IL5RA: variants seen among roughly 807,000 people sequenced by gnomAD.
IL5RA encodes the protein interleukin-5 receptor subunit alpha.
Under a neutral mutation model 50.0 loss-of-function variants are expected in IL5RA, and 49 were observed. The ratio of observed to expected loss-of-function variants is 0.98; its 90% confidence interval spans 0.78 to 1.24. The LOEUF is 1.24. Among genes scored for constraint, IL5RA ranks in the 50% most tolerant of loss-of-function variants. IL5RA has a pLI of 0.00. For synonymous variants in IL5RA, 202 were observed against 174.0 expected (o/e 1.16, Z -1.26); for missense variants, 600 against 500.4 (o/e 1.20, Z -1.90).
chr3:3,106,767 C>G (rs1310504264), intron 2 of IL5RA, among the ~76,000 whole-genome samples: 1 of 152,084 alleles, frequency 6.6e-6, no homozygotes, highest in Non-Finnish European at 1.5e-5. Context: ...GTCAGCATTT[C>G]CTGAAATAAT....
Position 3,102,837 on chromosome 3 carries a change from T to C in IL5RA, c.83-17A>G. The C allele has an allele frequency of 6.3e-7, 1 of 1,589,884 alleles. No homozygotes were observed. The highest frequency in any genetic ancestry group is 8.5e-7 in the Non-Finnish European group (1 of 1,170,832). ...GAAGTGAAACTGTTGATTCAAAGAA[T>C]AAAGAAACAACACAATGTTCAACTG... is the stretch of plus-strand genomic sequence containing the variant. On this transcript the variant is annotated splice_polypyrimidine_tract_variant and intron_variant, in intron 3 of 11. Transcript: ENST00000446632.
intron 5 of IL5RA, among the ~76,000 whole-genome samples, chr3:3,100,715 T>C (rs868483060): frequency 6.6e-6 from 1 of 152,214 alleles, no homozygotes; most frequent in East Asian, 1.9e-4. Context: ...TTGTTCATTA[T>C]AGAAAGGAGG....
chr3:3,076,212 G>A (rs997570540), intron 10 of IL5RA, among the ~76,000 whole-genome samples: 4 of 152,294 alleles, frequency 2.6e-5, no homozygotes, highest in East Asian at 3.9e-4. Context: ...GCCAAGGACC[G>A]AGTGGAAGAC....
chr3:3,073,079 A>T (rs1702355392), intron 11 of IL5RA, among the ~76,000 whole-genome samples: 1 of 152,198 alleles, frequency 6.6e-6, no homozygotes, highest in Non-Finnish European at 1.5e-5. Flanking sequence ...ATAAAGGAGA[A>T]CACAAAGATC....
chr3:3,098,725 A>G (rs1432155128), intron 5 of IL5RA, among the ~76,000 whole-genome samples: 5 of 152,032 alleles, frequency 3.3e-5, no homozygotes, highest in Admixed American at 6.6e-5. Context: ...ATTTCTAGAA[A>G]CCTACTAACT....
rs1166321673 is a variant in IL5RA at position 3,097,959 on chromosome 3, C to A, written c.620G>T (p.Gly207Val). Residue 207 changes from glycine (G) to valine (V), a missense_variant, in exon 7 of 12, where the codon GGG becomes GTG. Physicochemically the swap from Gly to Val is moderately radical, Grantham distance 109. Coordinates refer to ENST00000446632, the MANE Select transcript of IL5RA (RefSeq NM_175726.4). The stretch of plus-strand genomic sequence containing the variant: ...AACAAGCACCGCAAGCCAGTCACGC[C>A]CTTTGCTGAGGATAAAAGTCCTGGG... ...WFPRTFILSK[G>V]RDWLAVLVNG... 2 of 1,614,156 alleles carry A rather than the reference C, an allele frequency of 1.2e-6. No homozygotes were observed. The highest frequency in any genetic ancestry group is 1.6e-4 in the Middle Eastern group (1 of 6,062).
intron 9 of IL5RA, among the ~76,000 whole-genome samples, chr3:3,082,161 G>C (rs947876211): frequency 5.3e-5 from 8 of 152,150 alleles, no homozygotes; most frequent in African/African-American, 1.9e-4. Flanking sequence ...ATCCCACTGA[G>C]AGTATACATT....
intron 11 of IL5RA, among the ~76,000 whole-genome samples, chr3:3,070,765 T>C (rs1187161001): frequency 6.6e-6 from 1 of 151,792 alleles, no homozygotes; most frequent in Non-Finnish European, 1.5e-5. Flanking sequence ...GTATTTTTAG[T>C]AGAAACGGGG....
In IL5RA at chr3:3,072,162, C is replaced by T. The variant is rs1052124700; in HGVS notation, c.1177-1851G>A. 4.6e-5 allele frequency among the ~76,000 whole-genome samples: 7 copies of T among 152,224 alleles called. No individual in the cohort carries two copies. In the East Asian group the frequency reaches 5.8e-4, roughly 13 times the overall value. On this transcript the variant is annotated intron_variant, in intron 11 of 11. Coordinates refer to ENST00000446632, the MANE Select transcript of IL5RA (RefSeq NM_175726.4). ...TGTCCTTGGACGTGGAGGCTGTGCACGGCCTCATGGGGCCCAGCTGTAGGC... is the reference window on the plus strand; with the variant it reads ...TGTCCTTGGACGTGGAGGCTGTGCATGGCCTCATGGGGCCCAGCTGTAGGC...
intron 2 of IL5RA, among the ~76,000 whole-genome samples, chr3:3,107,636 C>T (rs1238399885): frequency 6.6e-6 from 1 of 152,150 alleles, no homozygotes; most frequent in African/African-American, 2.4e-5. Flanking sequence ...GGTTGTTTAT[C>T]TATCACCAGG....
intron 5 of IL5RA, among the ~76,000 whole-genome samples, chr3:3,099,478 A>C (rs914965940): frequency 6.6e-6 from 1 of 151,968 alleles, no homozygotes; most frequent in East Asian, 1.9e-4. Context: ...AAAATACAAA[A>C]ATTAGCCAGG....
intron 10 of IL5RA, among the ~76,000 whole-genome samples, chr3:3,075,127 G>T (rs542543254): frequency 1.3e-4 from 19 of 150,556 alleles, no homozygotes; most frequent in African/African-American, 4.1e-4. Context: ...ATCTGAAAAC[G>T]AACTGTATAT....
At chr3:3,105,632 C>G (rs189127157) in intron 2 of IL5RA, 2 of 143,552 alleles carry the variant, frequency 1.4e-5, no homozygotes, top group South Asian at 2.2e-4. Flanking sequence ...GTTCCCCCCC[C>G]CACCCCGCAA....
chr3:3,070,828 G>A (rs1055379329), intron 11 of IL5RA, among the ~76,000 whole-genome samples: 18 of 151,844 alleles, frequency 1.2e-4, no homozygotes, highest in African/African-American at 2.9e-4. Context: ...TGATCCCCCC[G>A]CCTCGGCCTC....
intron 8 of IL5RA, among the ~76,000 whole-genome samples, chr3:3,094,122 A>C (rs991307701): frequency 6.6e-6 from 1 of 152,134 alleles, no homozygotes; most frequent in Admixed American, 6.6e-5. Context: ...TTAATTGTAA[A>C]ATACATATAA....
intron 3 of IL5RA, among the ~76,000 whole-genome samples, chr3:3,104,339 T>C (rs561271299): frequency 6.6e-6 from 1 of 152,188 alleles, no homozygotes; most frequent in Admixed American, 6.5e-5. Flanking sequence ...GCATACGGCC[T>C]AAACTAATTT....
At chr3:3,089,059 G>T (rs1025521971) in intron 9 of IL5RA, among the ~76,000 whole-genome samples, 3 of 152,118 alleles carry the variant, frequency 2.0e-5, no homozygotes, top group African/African-American at 7.2e-5. Context: ...TGCTGGGTCA[G>T]TTTAGTTAGG....
At chr3:3,070,813 C>A (rs1364792957) in intron 11 of IL5RA, among the ~76,000 whole-genome samples, 1 of 151,900 alleles carries the variant, frequency 6.6e-6, no homozygotes, top group Non-Finnish European at 1.5e-5. Flanking sequence ...GAACTCTTGA[C>A]CTTGTGATCC....
chr3:3,104,218 TA>T (rs1422887031), intron 3 of IL5RA, among the ~76,000 whole-genome samples: 1 of 152,200 alleles, frequency 6.6e-6, no homozygotes, highest in Admixed American at 6.5e-5. Context: ...TTTGAATTTT[TA>T]GTAGAGTTGG....
Sources: allele counts gnomAD v4.1 joint callset (sites outside exome capture counted in the v4.1 genomes callset), GRCh38; gene constraint gnomAD v4.1.1; transcripts MANE v1.5; gene names NCBI Gene and HGNC (gene_info 2026-07-23, HGNC 2026-07-21).